The following LOC400499 variants were observed in gnomAD, a reference collection of about 807,000 sequenced individuals.
At chr16:11,460,757 T>C in the LOC400499 span, 3 of 1,299,378 alleles carry the variant, frequency 2.3e-6, no homozygotes, top group Non-Finnish European at 2.0e-6. Flanking sequence ...AACCTGTCGA[T>C]GGGGAGGTGT....
chr16:11,384,226 A>C, the LOC400499 span: 1 of 1,232,082 alleles, frequency 8.1e-7, no homozygotes, highest in East Asian at 3.2e-5. Flanking sequence ...CTGCCAGGCC[A>C]GGCTGAGCTC....
the LOC400499 span, among the ~76,000 whole-genome samples, chr16:11,436,455 C>G: frequency 6.6e-6 from 1 of 152,154 alleles, no homozygotes; most frequent in South Asian, 2.1e-4. Flanking sequence ...AGGTCCAAGG[C>G]TCCACCAGCT....
At chr16:11,382,285 T>G in the LOC400499 span, among the ~76,000 whole-genome samples, 1 of 152,224 alleles carries the variant, frequency 6.6e-6, no homozygotes, top group Non-Finnish European at 1.5e-5. Flanking sequence ...CCCTTTGTCA[T>G]ATTTTCCAAT....
chr16:11,526,997 C>A, the LOC400499 span, among the ~76,000 whole-genome samples: 2 of 152,178 alleles, frequency 1.3e-5, no homozygotes, highest in Non-Finnish European at 2.9e-5. Flanking sequence ...AAGGTGGCAG[C>A]GGAAAGGCAG....
At chr16:11,406,446 T>C in the LOC400499 span, among the ~76,000 whole-genome samples, 1 of 152,202 alleles carries the variant, frequency 6.6e-6, no homozygotes, top group Non-Finnish European at 1.5e-5. Flanking sequence ...CTTTTCTTCC[T>C]TTTGAGATGG....
chr16:11,467,969 A>G, the LOC400499 span, among the ~76,000 whole-genome samples: 3,242 of 152,270 alleles, frequency 0.021, 147 homozygotes, highest in African/African-American at 0.075. Context: ...GACACCTACA[A>G]AGGGAAGACT....
At chr16:11,400,758 A>T in the LOC400499 span, among the ~76,000 whole-genome samples, 1 of 152,070 alleles carries the variant, frequency 6.6e-6, no homozygotes, top group Non-Finnish European at 1.5e-5. Context: ...ACTACTTTAC[A>T]GTGCTTATCA....
At chr16:11,472,912 G>A in the LOC400499 span, 2 of 152,112 alleles carry the variant, frequency 1.3e-5, no homozygotes, top group African/African-American at 2.4e-5. Flanking sequence ...TGGATCACCT[G>A]AGGTCAAGAG....
chr16:11,460,003 C>T, the LOC400499 span: 3 of 1,503,018 alleles, frequency 2.0e-6, no homozygotes, highest in Non-Finnish European at 2.7e-6. Flanking sequence ...CCGTAGCTCA[C>T]CTCCAGCTGT....
At chr16:11,444,466 G>C in the LOC400499 span, among the ~76,000 whole-genome samples, 23 of 152,272 alleles carry the variant, frequency 1.5e-4, no homozygotes, top group Non-Finnish European at 3.1e-4. Flanking sequence ...GCCTGTTTTT[G>C]CAAGTGAAGC....
At chr16:11,425,934 C>T in the LOC400499 span, among the ~76,000 whole-genome samples, 1 of 152,158 alleles carries the variant, frequency 6.6e-6, no homozygotes, top group Non-Finnish European at 1.5e-5. Context: ...TGAACACAGA[C>T]ACCAACTTTC....
the LOC400499 span, among the ~76,000 whole-genome samples, chr16:11,499,617 T>A: frequency 6.6e-6 from 1 of 152,012 alleles, no homozygotes; most frequent in African/African-American, 2.4e-5. Flanking sequence ...GCTCCCTATA[T>A]TCCACCTGGA....
At chr16:11,513,885 A>G in the LOC400499 span, among the ~76,000 whole-genome samples, 1 of 152,162 alleles carries the variant, frequency 6.6e-6, no homozygotes, top group African/African-American at 2.4e-5. Context: ...TTCTTATTTC[A>G]TTATTCAGGA....
chr16:11,372,583 G>A, the LOC400499 span: 23 of 216,978 alleles, frequency 1.1e-4, no homozygotes, highest in Non-Finnish European at 1.7e-4. Context: ...GCTTCCGTGC[G>A]TTTGCAGCAC....
At chr16:11,503,891 G>A in the LOC400499 span, among the ~76,000 whole-genome samples, 1 of 152,208 alleles carries the variant, frequency 6.6e-6, no homozygotes, top group Non-Finnish European at 1.5e-5. Flanking sequence ...CCCAGTTTGG[G>A]GCGTCTATCC....
At chr16:11,418,393 T>G in the LOC400499 span, among the ~76,000 whole-genome samples, 2,013 of 152,234 alleles carry the variant, frequency 0.013, 55 homozygotes, top group African/African-American at 0.045. Flanking sequence ...TAAAACAGGT[T>G]GCAGTAAAGA....
At chr16:11,422,665 G>A in the LOC400499 span, among the ~76,000 whole-genome samples, 9 of 152,208 alleles carry the variant, frequency 5.9e-5, 1 homozygote, top group South Asian at 1.2e-3. Context: ...TCAAACCTGG[G>A]GATACTACCA....
the LOC400499 span, among the ~76,000 whole-genome samples, chr16:11,424,885 G>A: frequency 1.3e-5 from 2 of 152,156 alleles, no homozygotes; most frequent in African/African-American, 2.4e-5. Flanking sequence ...TGATGGCAGC[G>A]GCTGTCACCA....
At chr16:11,439,167 G>A in the LOC400499 span, among the ~76,000 whole-genome samples, 1 of 152,152 alleles carries the variant, frequency 6.6e-6, no homozygotes, top group African/African-American at 2.4e-5. Context: ...CCCTCTTGAA[G>A]GATTACATGG....
Sources: allele counts gnomAD v4.1 joint callset (sites outside exome capture counted in the v4.1 genomes callset), GRCh38; gene constraint gnomAD v4.1.1; transcripts MANE v1.5.